ARL14EPL: variants seen among roughly 807,000 people sequenced by gnomAD.
The protein encoded by ARL14EPL is ARL14 effector protein-like.
Under a neutral mutation model 15.9 loss-of-function variants are expected in ARL14EPL, and 17 were observed. The observed-to-expected ratio is 1.07, with a 90% CI of 0.73 to 1.60. ARL14EPL has a LOEUF of 1.60. Among genes scored for constraint, ARL14EPL ranks in the 40% most tolerant of loss-of-function variants. The pLI, the probability that ARL14EPL is intolerant of heterozygous loss-of-function variation, is 0.00. For synonymous variants in ARL14EPL, 78 were observed against 63.8 expected (o/e 1.22, Z -1.06); for missense variants, 214 against 185.9 (o/e 1.15, Z -0.88).
At position 116,051,526 on chromosome 5, in the gene ARL14EPL, C is replaced by A; in HGVS notation, c.61C>A (p.Pro21Thr). 3.9e-6 allele frequency: 6 copies of A among 1,535,506 alleles called. No individual in the cohort carries two copies. The highest frequency in any genetic ancestry group is 5.2e-6 in the Non-Finnish European group (6 of 1,146,384). Reference sequence around the variant, plus strand: ...AGAGAGACACACAGATCATAGTTTTCCTGAGAAGAACTGTCAAATTGGACA... The same window carrying A: ...AGAGAGACACACAGATCATAGTTTTACTGAGAAGAACTGTCAAATTGGACA... ...IQERHTDHSF[P>T]EKNCQIGQKQ... Residue 21 changes from proline (P) to threonine (T), a missense_variant, in exon 2 of 4, where the codon CCT (proline) becomes ACT (threonine). Transcript: ENST00000686077.
At chr5:116,046,313 T>G (rs1749266627) in intron 1 of ARL14EPL, among the ~76,000 whole-genome samples, 1 of 152,178 alleles carries the variant, frequency 6.6e-6, no homozygotes. Context: ...GTTTCTTGCT[T>G]TGATAATTTG....
chr5:116,049,553 A>G lies in ARL14EPL; in HGVS notation c.-9-1904A>G, dbSNP rs568563438. Among the ~76,000 whole-genome samples the G allele has an allele frequency of 7.2e-5, 11 of 152,344 alleles. No homozygotes were observed. In the East Asian group the frequency reaches 1.9e-3, roughly 27 times the overall value. ...CAGGTTTGTTACAGAAGCATATTGC[A>G]TGATACTGAGGTTTGGATTATGATG... On this transcript the variant is annotated intron_variant, in intron 1 of 3. Transcript: ENST00000686077.
At chr5:116,032,707 C>T (rs1748981034) in intron 1 of ARL14EPL, among the ~76,000 whole-genome samples, 1 of 152,088 alleles carries the variant, frequency 6.6e-6, no homozygotes, top group Admixed American at 6.5e-5. Flanking sequence ...GGATACTATC[C>T]ATGGTTTCAG....
At chr5:116,050,068 T>G (rs80336029) in intron 1 of ARL14EPL, among the ~76,000 whole-genome samples, 7,426 of 152,288 alleles carry the variant, frequency 0.049, 612 homozygotes, top group African/African-American at 0.17. Flanking sequence ...ATAGCTGTTA[T>G]TTACTTTTCC....
rs144228737 is a variant in ARL14EPL, at chr5:116,036,247, T to C, written c.-10+3742T>C. Among the ~76,000 whole-genome samples the C allele has an allele frequency of 3.5e-3, 528 of 152,322 alleles. 3 individuals are homozygous for C. The highest frequency in any genetic ancestry group is 5.7e-3 in the Non-Finnish European group (390 of 68,020). ...AACCCCATTCACCTTTGGGTTTTCC[T>C]TTTATTTATTAATTTAGGACATGGT... On this transcript the variant is annotated intron_variant, in intron 1 of 3. Coordinates refer to ENST00000686077, the MANE Select transcript of ARL14EPL (RefSeq NM_001195581.2).
intron 2 of ARL14EPL, 110 bp from the exon 3 acceptor site, chr5:116,053,904 A>G: frequency 3.4e-6 from 3 of 881,448 alleles, no homozygotes; most frequent in Non-Finnish European, 3.3e-6. Flanking sequence ...TGTAAAACAT[A>G]TATACTTTCA....
At chr5:116,039,818 A>T (rs1198724945) in intron 1 of ARL14EPL, among the ~76,000 whole-genome samples, 3 of 152,222 alleles carry the variant, frequency 2.0e-5, no homozygotes, top group African/African-American at 7.2e-5. Context: ...TAACATGATG[A>T]TATAATGAAC....
chr5:116,045,080 G>A (rs982403819), intron 1 of ARL14EPL, among the ~76,000 whole-genome samples: 5 of 152,098 alleles, frequency 3.3e-5, no homozygotes, highest in African/African-American at 4.8e-5. Flanking sequence ...TCCTAAACCC[G>A]ATGCCCTCTG....
chr5:116,052,331 G>A, intron 2 of ARL14EPL: 1 of 932,460 alleles, frequency 1.1e-6, no homozygotes, highest in South Asian at 1.3e-5. Context: ...TTGCAAAGAT[G>A]TCGGACAAAA....
chr5:116,051,428 T>G, intron 1 of ARL14EPL, 29 bp from the exon 2 acceptor site: 2 of 1,307,366 alleles, frequency 1.5e-6, no homozygotes, highest in Non-Finnish European at 2.1e-6. Context: ...GATATTAATA[T>G]GTTTTACTTT....
At chr5:116,048,132 C>T (rs939313757) in intron 1 of ARL14EPL, among the ~76,000 whole-genome samples, 1 of 152,202 alleles carries the variant, frequency 6.6e-6, no homozygotes, top group African/African-American at 2.4e-5. Context: ...CTCTAGGAGT[C>T]TGATGCTTGG....
At chr5:116,057,421 C>CAA (rs10660667) in intron 3 of ARL14EPL, among the ~76,000 whole-genome samples, 255 of 145,754 alleles carry the variant, frequency 1.7e-3, no homozygotes, top group Middle Eastern at 7.1e-3. Flanking sequence ...AGGATTTTAC[C>CAA]AAAAAAAAAA....
chr5:116,042,923 T>C (rs1304401067), intron 1 of ARL14EPL, among the ~76,000 whole-genome samples: 2 of 152,148 alleles, frequency 1.3e-5, no homozygotes, highest in African/African-American at 4.8e-5. Context: ...GAAATTGTCT[T>C]ATATAACTCT....
intron 1 of ARL14EPL, 122 bp from the exon 2 acceptor site, chr5:116,051,335 A>T: frequency 3.0e-6 from 2 of 665,458 alleles, no homozygotes; most frequent in Non-Finnish European, 2.5e-6. Flanking sequence ...TTCTGGGAGT[A>T]CAGATACAGT....
At chr5:116,058,234 T>C (rs372445038) in intron 3 of ARL14EPL, among the ~76,000 whole-genome samples, 19 of 151,208 alleles carry the variant, frequency 1.3e-4, no homozygotes, top group Non-Finnish European at 3.0e-5. Context: ...ATGATTATGG[T>C]GTAATAACTG....
At chr5:116,034,228 G>A (rs1412074408) in intron 1 of ARL14EPL, among the ~76,000 whole-genome samples, 2 of 152,182 alleles carry the variant, frequency 1.3e-5, no homozygotes, top group Non-Finnish European at 2.9e-5. Context: ...AAGGCGGTTA[G>A]TCCCATCATT....
At chr5:116,045,105 C>T (rs975117966) in intron 1 of ARL14EPL, among the ~76,000 whole-genome samples, 1 of 151,940 alleles carries the variant, frequency 6.6e-6, no homozygotes, top group Non-Finnish European at 1.5e-5. Flanking sequence ...TAGTAGAGAA[C>T]GAAGAGGAAA....
In ARL14EPL at chr5:116,052,622, A is replaced by C. The variant is rs191781394; in HGVS notation, c.96+1061A>C. ...TTAGAATAGTAATCGCTTCGTACTA[A>C]GTTGTATGTATATGTCATAACCATA... On this transcript the variant is annotated intron_variant, in intron 2 of 3. Transcript: ENST00000686077. Among the ~76,000 whole-genome samples the C allele has an allele frequency of 3.9e-5, 6 of 152,346 alleles. No homozygotes were observed. The East Asian group carries it at 9.7e-4, about 25-fold the overall frequency.
intron 3 of ARL14EPL, among the ~76,000 whole-genome samples, chr5:116,056,217 C>G (rs537733645): frequency 6.6e-6 from 1 of 151,898 alleles, no homozygotes; most frequent in Non-Finnish European, 1.5e-5. Flanking sequence ...CCTGAGGAAT[C>G]GCCACACTGA....
Sources: allele counts gnomAD v4.1 joint callset (sites outside exome capture counted in the v4.1 genomes callset), GRCh38; gene constraint gnomAD v4.1.1; transcripts MANE v1.5; gene names NCBI Gene and HGNC (gene_info 2026-07-23, HGNC 2026-07-21).